Variants in NPNT observed in about 807,000 individuals in gnomAD.
NPNT encodes preosteoblast EGF-like repeat protein with MAM domain.
In NPNT, 45 loss-of-function variants were observed where a neutral mutation model predicts 68.6. The ratio of observed to expected loss-of-function variants is 0.66; its 90% CI spans 0.52 to 0.84. NPNT has a LOEUF of 0.84. Among genes scored for constraint, NPNT ranks in the 40% least tolerant of loss-of-function variants. NPNT has a pLI of 0.00. For synonymous variants in NPNT, 233 were observed against 253.3 expected (o/e 0.92, Z 0.76); for missense variants, 672 against 714.8 (o/e 0.94, Z 0.68).
chr4:105,940,305 G>A, intron 6 of NPNT, 96 bp downstream of exon 6: 1 of 1,278,640 alleles, frequency 7.8e-7, no homozygotes, highest in Non-Finnish European at 1.1e-6. Flanking sequence ...GGGCAGGGGA[G>A]AGTACTGGCG....
chr4:105,931,083 C>G (rs1173952562), intron 3 of NPNT, among the ~76,000 whole-genome samples: 1 of 152,108 alleles, frequency 6.6e-6, no homozygotes, highest in Non-Finnish European at 1.5e-5. Flanking sequence ...CATTTGCTTC[C>G]TTTACTTTTA....
intron 5 of NPNT, 75 bp from the exon 6 acceptor site, chr4:105,940,000 G>T: frequency 2.3e-6 from 3 of 1,292,002 alleles, no homozygotes; most frequent in Admixed American, 3.5e-5. Context: ...TTTGTAGTCA[G>T]TTATTTATTT....
At chr4:105,920,971 A>G (rs1728214256) in intron 2 of NPNT, among the ~76,000 whole-genome samples, 1 of 152,194 alleles carries the variant, frequency 6.6e-6, no homozygotes, top group Non-Finnish European at 1.5e-5. Flanking sequence ...GGTAATAATA[A>G]TATGCTGCAT....
At position 105,947,842 on chromosome 4, in the gene NPNT, G is replaced by T. The variant is rs112975016; in HGVS notation, c.1159+5140G>T. 5.9e-5 allele frequency among the ~76,000 whole-genome samples: 9 copies of T among 151,948 alleles called. No homozygotes were observed. The South Asian group carries it at 8.3e-4, about 14-fold the overall frequency. Reference sequence around the variant, plus strand: ...TCAAATCTGACCCAATACTGATCACGGGGGGGTTTCTTTTAACATGTTTTG... The same window carrying T: ...TCAAATCTGACCCAATACTGATCACTGGGGGGTTTCTTTTAACATGTTTTG... On this transcript the variant is annotated intron_variant, in intron 8 of 11. Coordinates refer to ENST00000379987, the MANE Select transcript of NPNT (RefSeq NM_001033047.3).
In NPNT at chr4:105,942,510, A is replaced by ACACCAATTCCTACTCCACCACCAC. The variant is rs769830545; in HGVS notation, c.973_996dup (p.Ile325_Pro332dup). 1 of 1,613,844 alleles carries ACACCAATTCCTACTCCACCACCAC rather than the reference A, an allele frequency of 6.2e-7. No homozygotes were observed. Among genetic ancestry groups the ACACCAATTCCTACTCCACCACCAC allele is most frequent in the Non-Finnish European group, 8.5e-7 (1 of 1,179,942 alleles). On this transcript the variant is annotated inframe_insertion, in exon 8 of 12. Coordinates refer to ENST00000379987, the MANE Select transcript of NPNT (RefSeq NM_001033047.3). Reference sequence around the variant, plus strand: ...AACAACAAGACCTACACCAAAGCCAACACCAATTCCTACTCCACCACCACC... The same window carrying ACACCAATTCCTACTCCACCACCAC: ...AACAACAAGACCTACACCAAAGCCAACACCAATTCCTACTCCACCACCACCACCAATTCCTACTCCACCACCACC...
rs367669581 is a variant in NPNT at position 105,943,293 on chromosome 4, G to A, written c.1159+591G>A. Among the ~76,000 whole-genome samples, 31 of 152,324 alleles carry A rather than the reference G, an allele frequency of 2.0e-4. 1 individual carries two copies. Among genetic ancestry groups the A allele is most frequent in the East Asian group, 1.7e-3 (9 of 5,182 alleles). ...TCAGGGAGGGCTTCCCGAGTGAAAC[G>A]GAGCAAAGTGGATGAGGAAAGGAAG... On this transcript the variant is annotated intron_variant, in intron 8 of 11. Coordinates refer to ENST00000379987, the MANE Select transcript of NPNT (RefSeq NM_001033047.3).
At chr4:105,900,288 A>G (rs902901127) in intron 2 of NPNT, among the ~76,000 whole-genome samples, 1 of 152,202 alleles carries the variant, frequency 6.6e-6, no homozygotes, top group Non-Finnish European at 1.5e-5. Context: ...AACTATTCCC[A>G]TTACTGCATA....
At chr4:105,956,288 C>G (rs1466322819) in intron 8 of NPNT, among the ~76,000 whole-genome samples, 7 of 152,010 alleles carry the variant, frequency 4.6e-5, no homozygotes, top group Non-Finnish European at 7.4e-5. Context: ...GCCTGAAACC[C>G]TCCCTCTTCC....
intron 2 of NPNT, among the ~76,000 whole-genome samples, chr4:105,918,440 T>C (rs1727991139): frequency 1.3e-5 from 2 of 152,206 alleles, no homozygotes; most frequent in Non-Finnish European, 2.9e-5. Flanking sequence ...AATTTTCAAC[T>C]GAAAGAAATA....
intron 2 of NPNT, among the ~76,000 whole-genome samples, chr4:105,900,790 C>T (rs1453691818): frequency 6.6e-6 from 1 of 150,540 alleles, no homozygotes; most frequent in Non-Finnish European, 1.5e-5. Context: ...CAGAAATAGG[C>T]AGGTTGTGTT....
intron 2 of NPNT, among the ~76,000 whole-genome samples, chr4:105,925,714 T>C (rs766567410): frequency 1.3e-5 from 2 of 152,162 alleles, no homozygotes; most frequent in Non-Finnish European, 2.9e-5. Context: ...TCAATGATTA[T>C]TGAAGCTCAT....
At chr4:105,904,808 A>C (rs1726748257) in intron 2 of NPNT, among the ~76,000 whole-genome samples, 1 of 151,882 alleles carries the variant, frequency 6.6e-6, no homozygotes, top group Admixed American at 6.6e-5. Context: ...CTCTCTCTCG[A>C]GTAGTTGGGA....
At chr4:105,936,935 G>A (rs1729537671) in intron 3 of NPNT, 74 bp from the exon 4 acceptor site, 1 of 1,457,398 alleles carries the variant, frequency 6.9e-7, no homozygotes, top group South Asian at 1.4e-5. Context: ...TTTTAATATA[G>A]AAAAGAATTT....
At chr4:105,898,748 T>C (rs1227312803) in intron 2 of NPNT, among the ~76,000 whole-genome samples, 1 of 152,234 alleles carries the variant, frequency 6.6e-6, no homozygotes, top group Non-Finnish European at 1.5e-5. Flanking sequence ...AATTTAGAGC[T>C]ACATCAAAAG....
intron 8 of NPNT, among the ~76,000 whole-genome samples, chr4:105,943,234 A>G (rs1472683295): frequency 2.0e-5 from 3 of 152,224 alleles, no homozygotes; most frequent in African/African-American, 4.8e-5. Context: ...AGGAGAATGA[A>G]GGGATACCTC....
chr4:105,950,643 T>C (rs1045743095), intron 8 of NPNT, among the ~76,000 whole-genome samples: 4 of 152,012 alleles, frequency 2.6e-5, no homozygotes, highest in African/African-American at 9.7e-5. Context: ...GATTCACATC[T>C]GAGTAGGCAC....
At chr4:105,954,101 A>G (rs1375935496) in intron 8 of NPNT, among the ~76,000 whole-genome samples, 1 of 152,188 alleles carries the variant, frequency 6.6e-6, no homozygotes, top group Non-Finnish European at 1.5e-5. Context: ...GGGAAAATAC[A>G]TATTTAGTAG....
rs1407734819 is a variant in NPNT at position 105,919,987 on chromosome 4, TG to T, written c.173-7348del. ...TCTTTCCTCAAATTAATTATTTCAA[TG>T]ATGATTGTAAAGTTCTGTTTTTCAA... is the stretch of plus-strand genomic sequence containing the variant. On this transcript the variant is annotated intron_variant, in intron 2 of 11. Coordinates refer to ENST00000379987, the MANE Select transcript of NPNT (RefSeq NM_001033047.3). 2.0e-5 allele frequency among the ~76,000 whole-genome samples: 3 copies of T among 152,198 alleles called. No homozygotes were observed. In the East Asian group the frequency reaches 5.8e-4, roughly 29 times the overall value.
intron 2 of NPNT, among the ~76,000 whole-genome samples, chr4:105,919,551 CT>C (rs1198700044): frequency 6.6e-6 from 1 of 152,048 alleles, no homozygotes; most frequent in Non-Finnish European, 1.5e-5. Context: ...TGACATTCCT[CT>C]TTAATTTAAT....
Sources: gnomAD v4.1 joint callset for allele counts (sites outside exome capture counted in the v4.1 genomes callset) on GRCh38, gnomAD v4.1.1 for gene constraint, MANE v1.5 for transcripts, NCBI Gene and HGNC (gene_info 2026-07-23, HGNC 2026-07-21) for gene names.